The following FOXB2 variants were observed in gnomAD, a reference collection of about 807,000 sequenced individuals.
FOXB2 encodes forkhead box protein B2.
FOXB2 carries 1 observed loss-of-function variant against 0.9 expected under a neutral mutation model. The observed-to-expected ratio is 1.09, with a 90% CI of 0.39 to 5.18. FOXB2 has a LOEUF of 5.18. Among genes scored for constraint, FOXB2 ranks in the 30% most tolerant of loss-of-function variants. The probability of loss-of-function intolerance (pLI) is 0.16; values close to 1 mark genes in which losing one functional copy is unlikely to be tolerated. For missense variants in FOXB2, 670 were observed against 626.6 expected (o/e 1.07, Z -0.74); for synonymous variants, 322 against 293.5 (o/e 1.10, Z -0.99).
Position 77,020,657 on chromosome 9 carries a change from G to A in FOXB2, c.1003G>A (p.Val335Ile). 1.2e-6 allele frequency: 2 copies of A among 1,602,860 alleles called. No homozygotes were observed. The highest frequency in any genetic ancestry group is 2.3e-5 in the East Asian group (1 of 44,382). ...AAAAAAAAAG[V>I]PVGPEYGAFG... ...CGCGGCCGCCGCAGCCGCAGCCGGAGTCCCTGTAGGCCCGGAGTATGGGGC... is the reference window on the plus strand; with the variant it reads ...CGCGGCCGCCGCAGCCGCAGCCGGAATCCCTGTAGGCCCGGAGTATGGGGC... The change falls in exon 1 of 1, where the codon GTC (valine) becomes ATC (isoleucine). Residue 335 changes from valine to isoleucine, a missense_variant. Val to Ile is a conservative substitution (Grantham distance 29). Coordinates refer to ENST00000376708, the MANE Select transcript of FOXB2 (RefSeq NM_001013735.1). This position sits in a 1 kb window ranked among gnomAD's most constrained non-coding sequence, Gnocchi z 4.9.
At position 77,020,596 on chromosome 9, in the gene FOXB2, G is replaced by A. The variant is rs752648757; in HGVS notation, c.942G>A (p.Trp314Ter). The A allele has an allele frequency of 4.4e-6, 7 of 1,607,394 alleles. No individual in the cohort carries two copies. The highest frequency in any genetic ancestry group is 4.2e-6 in the Non-Finnish European group (5 of 1,178,474). The change falls in exon 1 of 1, where the codon TGG becomes TGA. Residue 314 changes from tryptophan to a stop codon, truncating the protein, a stop_gained. Transcript: ENST00000376708. LOFTEE classifies it low-confidence loss of function (END_TRUNC). This position sits in a 1 kb window ranked among gnomAD's most constrained non-coding sequence, Gnocchi z 4.9. ...TTGGCAACGTCGTCAGCTCCGTGTG[G>A]CCGCACGTTGGCGTCATGGATTCGG... Reference protein sequence around the residue: ...GQLGNVVSSVWPHVGVMDSVA... With the variant: ...GQLGNVVSSV
chr9:77,020,208 C>A lies in FOXB2; in HGVS notation c.554C>A (p.Pro185His), dbSNP rs745860054. ...HMVHYFHQQP[P>H]TAPQPPPHLP... ...GTACACTATTTCCATCAGCAACCGC[C>A]TACTGCTCCGCAGCCGCCTCCGCAC... The change falls in exon 1 of 1, where the codon CCT becomes CAT. Residue 185 changes from proline (P) to histidine (H), a missense_variant. Physicochemically the swap from Pro to His is moderately conservative, Grantham distance 77 (BLOSUM62 -2). Coordinates refer to ENST00000376708, the MANE Select transcript of FOXB2 (RefSeq NM_001013735.1). The surrounding 1 kb of genome is among the most constrained non-coding windows in gnomAD (Gnocchi z 4.9). 8.5e-7 allele frequency: 1 copy of A among 1,174,732 alleles called. No homozygotes were observed. The highest frequency in any genetic ancestry group is 1.2e-5 in the South Asian group (1 of 82,624). 72.8% of individuals were successfully genotyped at this position (1,174,732 alleles called of 1,614,324 possible). A position where few individuals can be genotyped will look rare whatever the true frequency, so the allele number is the denominator to read the frequency against.
In FOXB2 at chr9:77,019,889, G is replaced by C. The variant is rs749936671; in HGVS notation, c.235G>C (p.Asp79His). Residue 79 changes from aspartate to histidine, a missense_variant, in exon 1 of 1, where the codon GAC becomes CAC. Physicochemically the swap from Asp to His is moderately conservative, Grantham distance 81. Transcript: ENST00000376708. The surrounding 1 kb of genome is among the most constrained non-coding windows in gnomAD (Gnocchi z 4.4). ...CTTCATCAAGATTCCGCGGAGGCCC[G>C]ACCAGCCTGGCAAGGGTAGCTTCTG... ...DCFIKIPRRP[D>H]QPGKGSFWAL... 2 of 1,613,734 alleles carry C rather than the reference G, an allele frequency of 1.2e-6. No individual in the cohort carries two copies. Among genetic ancestry groups the C allele is most frequent in the African/African-American group, 1.3e-5 (1 of 74,900 alleles).
chr9:77,020,352 C>A lies in FOXB2; in HGVS notation c.698C>A (p.Ala233Asp). ...VAAAAAAAAA[A>D]AVGSVGRLSQ... Reference sequence around the variant, plus strand: ...GCGGCGGCGGCGGCGGCCGCGGCAGCCGCGGTGGGCAGCGTGGGACGCCTG... The same window carrying A: ...GCGGCGGCGGCGGCGGCCGCGGCAGACGCGGTGGGCAGCGTGGGACGCCTG... Residue 233 changes from alanine to aspartate, a missense_variant, in exon 1 of 1, where the codon GCC (alanine) becomes GAC (aspartate). Ala to Asp is a moderately radical substitution (Grantham distance 126, BLOSUM62 -2). Transcript: ENST00000376708. This position sits in a 1 kb window ranked among gnomAD's most constrained non-coding sequence, Gnocchi z 4.9. The A allele has an allele frequency of 7.9e-7, 1 of 1,259,434 alleles. No individual in the cohort carries two copies. The highest frequency in any genetic ancestry group is 9.9e-7 in the Non-Finnish European group (1 of 1,007,576). The allele number at this position is 1,259,434 out of a possible 1,614,324, so 78.0% of individuals were successfully genotyped here.
At position 77,020,322 on chromosome 9, in the gene FOXB2, TGGCGGCGGCGGC is replaced by T. The variant is rs750048680; in HGVS notation, c.678_689del (p.Ala231_Ala234del). On this transcript the variant is annotated inframe_deletion, in exon 1 of 1. Transcript: ENST00000376708. The surrounding 1 kb of genome is among the most constrained non-coding windows in gnomAD (Gnocchi z 4.9). ...GGCAAGATGCAGGAGGCGGCGGCCG[TGGCGGCGGCGGC>T]GGCGGCGGCCGCGGCAGCCGCGGTG... The T allele has an allele frequency of 2.8e-6, 3 of 1,069,058 alleles. No individual in the cohort carries two copies. The highest frequency in any genetic ancestry group is 1.8e-5 in the African/African-American group (1 of 57,056). The allele number at this position is 1,069,058 out of a possible 1,614,324, so 66.2% of individuals were successfully genotyped here. A position where few individuals can be genotyped will look rare whatever the true frequency, so the allele number is the denominator to read the frequency against.
rs761119004 is a variant in FOXB2, at chr9:77,020,059, C to T, written c.405C>T (p.His135=). The change falls in exon 1 of 1, where the codon CAC becomes CAT. Residue 135 remains histidine (H), a synonymous_variant. Transcript: ENST00000376708. This position sits in a 1 kb window ranked among gnomAD's most constrained non-coding sequence, Gnocchi z 4.9. ...KSAPGAGPGG[H]LHPHHHHHPH... is the part of the protein sequence containing the mutation. ...CGCCGGGCGCCGGTCCGGGAGGGCA[C>T]CTTCACCCCCATCACCACCACCACC... is the stretch of plus-strand genomic sequence containing the variant. 8.8e-6 allele frequency: 14 copies of T among 1,591,596 alleles called. No homozygotes were observed. The highest frequency in any genetic ancestry group is 1.2e-5 in the Non-Finnish European group (14 of 1,171,668).
chr9:77,020,743 G>T lies in FOXB2; in HGVS notation c.1089G>T (p.Pro363=). Residue 363 remains proline (P), a synonymous_variant, in exon 1 of 1, where the codon CCG becomes CCT. Coordinates refer to ENST00000376708, the MANE Select transcript of FOXB2 (RefSeq NM_001013735.1). The surrounding 1 kb of genome is among the most constrained non-coding windows in gnomAD (Gnocchi z 4.9). ...HSASQSLPAM[P]VPIKPTPALP... is the part of the protein sequence containing the mutation. ...CAAGCCAGAGCCTGCCTGCCATGCC[G>T]GTGCCCATCAAGCCCACGCCTGCGC... 6.3e-7 allele frequency: 1 copy of T among 1,596,024 alleles called. No individual in the cohort carries two copies. The highest frequency in any genetic ancestry group is 1.7e-4 in the Middle Eastern group (1 of 5,954).
chr9:77,020,337 C>A lies in FOXB2; in HGVS notation c.683C>A (p.Ala228Glu). 1 of 1,205,356 alleles carries A rather than the reference C, an allele frequency of 8.3e-7. No individual in the cohort carries two copies. The highest frequency in any genetic ancestry group is 1.0e-6 in the Non-Finnish European group (1 of 976,436). 74.7% of individuals were successfully genotyped at this position (1,205,356 alleles called of 1,614,324 possible). ...QEAAAVAAAAAAAAAAAVGSV... is the reference protein window; with the variant it reads ...QEAAAVAAAAEAAAAAAVGSV... Reference sequence around the variant, plus strand: ...GCGGCGGCCGTGGCGGCGGCGGCGGCGGCGGCCGCGGCAGCCGCGGTGGGC... The same window carrying A: ...GCGGCGGCCGTGGCGGCGGCGGCGGAGGCGGCCGCGGCAGCCGCGGTGGGC... Residue 228 changes from alanine (A) to glutamate (E), a missense_variant, in exon 1 of 1, where the codon GCG becomes GAG. Ala to Glu is a moderately radical substitution (Grantham distance 107). Coordinates refer to ENST00000376708, the MANE Select transcript of FOXB2 (RefSeq NM_001013735.1). The surrounding 1 kb of genome is among the most constrained non-coding windows in gnomAD (Gnocchi z 4.9).
At position 77,019,671 on chromosome 9, in the gene FOXB2, A is replaced by G; in HGVS notation, c.17A>G (p.Lys6Arg). Residue 6 changes from lysine (K) to arginine (R), a missense_variant, in exon 1 of 1, where the codon AAG (lysine) becomes AGG (arginine). Coordinates refer to ENST00000376708, the MANE Select transcript of FOXB2 (RefSeq NM_001013735.1). This position sits in a 1 kb window ranked among gnomAD's most constrained non-coding sequence, Gnocchi z 4.4. MPRPG[K>R]SSYSDQKPPY... ...CCGGGGGCGATGCCGCGGCCGGGGAAGAGCTCGTACAGCGACCAAAAACCG... is the reference window on the plus strand; with the variant it reads ...CCGGGGGCGATGCCGCGGCCGGGGAGGAGCTCGTACAGCGACCAAAAACCG... 1 of 1,580,498 alleles carries G rather than the reference A, an allele frequency of 6.3e-7. No individual in the cohort carries two copies. The highest frequency in any genetic ancestry group is 8.6e-7 in the Non-Finnish European group (1 of 1,162,846).
rs73651434 is a variant in FOXB2, at chr9:77,019,915, G to C, written c.261G>C (p.Trp87Cys). The C allele has an allele frequency of 6.2e-7, 1 of 1,613,658 alleles. No homozygotes were observed. The highest frequency in any genetic ancestry group is 1.3e-5 in the African/African-American group (1 of 75,008). ...RPDQPGKGSFWALHPDCGDMF... is the reference protein window; with the variant it reads ...RPDQPGKGSFCALHPDCGDMF... ...ACCAGCCTGGCAAGGGTAGCTTCTG[G>C]GCGCTGCACCCCGACTGCGGGGACA... The change falls in exon 1 of 1, where the codon TGG becomes TGC. Residue 87 changes from tryptophan (W) to cysteine (C), a missense_variant. Coordinates refer to ENST00000376708, the MANE Select transcript of FOXB2 (RefSeq NM_001013735.1). The surrounding 1 kb of genome is among the most constrained non-coding windows in gnomAD (Gnocchi z 4.4).
rs1409812641 is a variant in FOXB2, at chr9:77,020,034, C to T, written c.380C>T (p.Ala127Val). The T allele has an allele frequency of 1.9e-6, 3 of 1,608,196 alleles. No individual in the cohort carries two copies. Among genetic ancestry groups the T allele is most frequent in the Non-Finnish European group, 2.5e-6 (3 of 1,178,444 alleles). The change falls in exon 1 of 1, where the codon GCG becomes GTG. Residue 127 changes from alanine to valine, a missense_variant. Coordinates refer to ENST00000376708, the MANE Select transcript of FOXB2 (RefSeq NM_001013735.1). This position sits in a 1 kb window ranked among gnomAD's most constrained non-coding sequence, Gnocchi z 4.9. ...TTGCACGCGGGAAGCACCAAGAGCGCGCCGGGCGCCGGTCCGGGAGGGCAC... is the reference window on the plus strand; with the variant it reads ...TTGCACGCGGGAAGCACCAAGAGCGTGCCGGGCGCCGGTCCGGGAGGGCAC... The part of the protein sequence containing the change: ...THLHAGSTKS[A>V]PGAGPGGHLH...
chr9:77,020,071 TCACCACCAC>T lies in FOXB2; in HGVS notation c.422_430del (p.His141_His143del). 1.3e-6 allele frequency: 2 copies of T among 1,560,600 alleles called. No individual in the cohort carries two copies. The highest frequency in any genetic ancestry group is 1.7e-6 in the Non-Finnish European group (2 of 1,155,946). On this transcript the variant is annotated inframe_deletion, in exon 1 of 1. Coordinates refer to ENST00000376708, the MANE Select transcript of FOXB2 (RefSeq NM_001013735.1). The surrounding 1 kb of genome is among the most constrained non-coding windows in gnomAD (Gnocchi z 4.9). ...GTCCGGGAGGGCACCTTCACCCCCA[TCACCACCAC>T]CACCCCCACCACCACCATCATCACC...
Position 77,019,674 on chromosome 9 carries a change from G to T in FOXB2, c.20G>T (p.Ser7Ile). MPRPGK[S>I]SYSDQKPPYS... is the part of the protein sequence containing the mutation. Reference sequence around the variant, plus strand: ...GGGGCGATGCCGCGGCCGGGGAAGAGCTCGTACAGCGACCAAAAACCGCCC... The same window carrying T: ...GGGGCGATGCCGCGGCCGGGGAAGATCTCGTACAGCGACCAAAAACCGCCC... Residue 7 changes from serine (S) to isoleucine (I), a missense_variant, in exon 1 of 1, where the codon AGC (serine) becomes ATC (isoleucine). Transcript: ENST00000376708. This position sits in a 1 kb window ranked among gnomAD's most constrained non-coding sequence, Gnocchi z 4.4. The T allele has an allele frequency of 6.3e-7, 1 of 1,588,540 alleles. No individual in the cohort carries two copies. Among genetic ancestry groups the T allele is most frequent in the Admixed American group, 1.8e-5 (1 of 55,880 alleles).
chr9:77,020,514 G>C lies in FOXB2; in HGVS notation c.860G>C (p.Gly287Ala). Residue 287 changes from glycine (G) to alanine (A), a missense_variant, in exon 1 of 1, where the codon GGA (glycine) becomes GCA (alanine). By Grantham distance (60) the Gly-to-Ala change is moderately conservative. Transcript: ENST00000376708. This position sits in a 1 kb window ranked among gnomAD's most constrained non-coding sequence, Gnocchi z 4.9. Reference protein sequence around the residue: ...GRDYKGVLQAGGLPLASVMHH... With the variant: ...GRDYKGVLQAAGLPLASVMHH... ...GACTACAAGGGCGTGCTGCAGGCTG[G>C]AGGGCTGCCCTTGGCGTCCGTCATG... 2 of 1,610,562 alleles carry C rather than the reference G, an allele frequency of 1.2e-6. No individual in the cohort carries two copies. Among genetic ancestry groups the C allele is most frequent in the Non-Finnish European group, 1.7e-6 (2 of 1,179,044 alleles).
At position 77,019,923 on chromosome 9, in the gene FOXB2, A is replaced by G; in HGVS notation, c.269A>G (p.His90Arg). 1 of 1,613,442 alleles carries G rather than the reference A, an allele frequency of 6.2e-7. No homozygotes were observed. Among genetic ancestry groups the G allele is most frequent in the Non-Finnish European group, 8.5e-7 (1 of 1,179,998 alleles). Residue 90 changes from histidine to arginine, a missense_variant, in exon 1 of 1, where the codon CAC (histidine) becomes CGC (arginine). Coordinates refer to ENST00000376708, the MANE Select transcript of FOXB2 (RefSeq NM_001013735.1). The surrounding 1 kb of genome is among the most constrained non-coding windows in gnomAD (Gnocchi z 4.4). The part of the protein sequence containing the change: ...QPGKGSFWAL[H>R]PDCGDMFENG... ...GGCAAGGGTAGCTTCTGGGCGCTGC[A>G]CCCCGACTGCGGGGACATGTTCGAG...
At position 77,019,937 on chromosome 9, in the gene FOXB2, G is replaced by A; in HGVS notation, c.283G>A (p.Asp95Asn). The A allele has an allele frequency of 6.2e-7, 1 of 1,613,544 alleles. No individual in the cohort carries two copies. The highest frequency in any genetic ancestry group is 1.3e-5 in the African/African-American group (1 of 75,050). The change falls in exon 1 of 1, where the codon GAC (aspartate) becomes AAC (asparagine). Residue 95 changes from aspartate to asparagine, a missense_variant. By Grantham distance (23) the Asp-to-Asn change is conservative. Transcript: ENST00000376708. The surrounding 1 kb of genome is among the most constrained non-coding windows in gnomAD (Gnocchi z 4.4). ...CTGGGCGCTGCACCCCGACTGCGGG[G>A]ACATGTTCGAGAACGGCAGCTTCCT... ...SFWALHPDCG[D>N]MFENGSFLRR...
rs547464202 is a variant in FOXB2, at chr9:77,020,657, G to T, written c.1003G>T (p.Val335Phe). 2 of 1,602,860 alleles carry T rather than the reference G, an allele frequency of 1.2e-6. No individual in the cohort carries two copies. The highest frequency in any genetic ancestry group is 1.7e-6 in the Non-Finnish European group (2 of 1,176,050). ...CGCGGCCGCCGCAGCCGCAGCCGGA[G>T]TCCCTGTAGGCCCGGAGTATGGGGC... ...AAAAAAAAAG[V>F]PVGPEYGAFG... Residue 335 changes from valine (V) to phenylalanine (F), a missense_variant, in exon 1 of 1, where the codon GTC becomes TTC. Physicochemically the swap from Val to Phe is conservative, Grantham distance 50 (BLOSUM62 -1). Coordinates refer to ENST00000376708, the MANE Select transcript of FOXB2 (RefSeq NM_001013735.1). The surrounding 1 kb of genome is among the most constrained non-coding windows in gnomAD (Gnocchi z 4.9).
rs753771418 is a variant in FOXB2, at chr9:77,020,145, A to AGCCGCC, written c.504_509dup (p.Pro173_Pro174dup). On this transcript the variant is annotated inframe_insertion, in exon 1 of 1. Coordinates refer to ENST00000376708, the MANE Select transcript of FOXB2 (RefSeq NM_001013735.1). This position sits in a 1 kb window ranked among gnomAD's most constrained non-coding sequence, Gnocchi z 4.9. ...CACCACCATCACCACCACCCACCCC[A>AGCCGCC]GCCGCCGCCGCCGCCGCCCCCGCCG... 4.4e-6 allele frequency: 6 copies of AGCCGCC among 1,355,892 alleles called. No homozygotes were observed. Among genetic ancestry groups the AGCCGCC allele is most frequent in the Admixed American group, 2.0e-5 (1 of 50,750 alleles). 84.0% of individuals were successfully genotyped at this position (1,355,892 alleles called of 1,614,324 possible). A position where few individuals can be genotyped will look rare whatever the true frequency, so the allele number is the denominator to read the frequency against.
At position 77,020,177 on chromosome 9, in the gene FOXB2, C is replaced by A; in HGVS notation, c.523C>A (p.His175Asn). 1 of 1,189,876 alleles carries A rather than the reference C, an allele frequency of 8.4e-7. No individual in the cohort carries two copies. The highest frequency in any genetic ancestry group is 1.2e-6 in the Non-Finnish European group (1 of 808,830). 73.7% of individuals were successfully genotyped at this position (1,189,876 alleles called of 1,614,324 possible). The change falls in exon 1 of 1, where the codon CAC becomes AAC. Residue 175 changes from histidine (H) to asparagine (N), a missense_variant. Physicochemically the swap from His to Asn is moderately conservative, Grantham distance 68. Transcript: ENST00000376708. This position sits in a 1 kb window ranked among gnomAD's most constrained non-coding sequence, Gnocchi z 4.9. ...GCCGCCGCCGCCCCCGCCGCCGCCGCACATGGTACACTATTTCCATCAGCA... is the reference window on the plus strand; with the variant it reads ...GCCGCCGCCGCCCCCGCCGCCGCCGAACATGGTACACTATTTCCATCAGCA... ...PPPPPPPPPP[H>N]MVHYFHQQPP...
Sources: gnomAD v4.1 joint callset for allele counts on GRCh38, gnomAD v4.1.1 for gene constraint, Gnocchi (gnomAD v3.1) non-coding constraint, MANE v1.5 for transcripts, NCBI Gene and HGNC (gene_info 2026-07-23, HGNC 2026-07-21) for gene names.